Variants in GABRB1 observed in about 807,000 individuals in gnomAD.
GABRB1 encodes the protein gamma-aminobutyric acid receptor subunit beta-1.
GABRB1 carries 17 observed loss-of-function variants against 51.6 expected under a neutral mutation model. That is an observed-to-expected ratio of 0.33 (90% CI 0.23 to 0.49). GABRB1 has a LOEUF of 0.49. Ranked by LOEUF, GABRB1 falls within the 20% of genes least tolerant of loss-of-function variation. GABRB1 has a pLI of 0.99. For missense variants in GABRB1, 410 were observed against 600.6 expected (o/e 0.68, Z 3.32); for synonymous variants, 247 against 218.9 (o/e 1.13, Z -1.14).
chr4:47,062,712 C>T (rs887289441), intron 3 of GABRB1, among the ~76,000 whole-genome samples: 8 of 152,136 alleles, frequency 5.3e-5, no homozygotes, highest in Non-Finnish European at 1.2e-4. Flanking sequence ...ATTTGGTGCT[C>T]TTGTAATAAA....
chr4:47,340,097 C>T (rs926324148), intron 5 of GABRB1, among the ~76,000 whole-genome samples: 2 of 152,126 alleles, frequency 1.3e-5, no homozygotes, highest in Non-Finnish European at 2.9e-5. Flanking sequence ...TCAATATATT[C>T]AAGGTGTTAC....
chr4:47,036,262 A>G (rs893366063), intron 3 of GABRB1, among the ~76,000 whole-genome samples: 2 of 152,216 alleles, frequency 1.3e-5, no homozygotes, highest in Non-Finnish European at 2.9e-5. Flanking sequence ...TGTTGTGGTT[A>G]TTTTAATATT....
chr4:47,074,186 C>A (rs1727456659), intron 3 of GABRB1, among the ~76,000 whole-genome samples: 1 of 152,124 alleles, frequency 6.6e-6, no homozygotes, highest in Non-Finnish European at 1.5e-5. Flanking sequence ...GAAAAAACAT[C>A]CCTACAAGCA....
At chr4:47,149,991 G>T (rs572169468) in intron 3 of GABRB1, among the ~76,000 whole-genome samples, 43 of 151,924 alleles carry the variant, frequency 2.8e-4, no homozygotes, top group Admixed American at 6.6e-4. Context: ...TGACTTTAAG[G>T]CCTTACTTGA....
intron 4 of GABRB1, among the ~76,000 whole-genome samples, chr4:47,177,245 G>T (rs1408082811): frequency 6.6e-6 from 1 of 152,064 alleles, no homozygotes; most frequent in Non-Finnish European, 1.5e-5. Flanking sequence ...CAAAGCCACA[G>T]ATCAGATGGA....
intron 4 of GABRB1, among the ~76,000 whole-genome samples, chr4:47,220,369 C>T (rs1229398796): frequency 2.0e-5 from 3 of 151,932 alleles, no homozygotes; most frequent in Non-Finnish European, 4.4e-5. Context: ...CTTCCTTCTC[C>T]CTGTTCCATG....
chr4:47,072,218 C>A (rs1169884299), intron 3 of GABRB1, among the ~76,000 whole-genome samples: 1 of 152,120 alleles, frequency 6.6e-6, no homozygotes, highest in Non-Finnish European at 1.5e-5. Context: ...TATTACACTG[C>A]AGTGCTTAGG....
chr4:47,222,144 TTCAGCTGGAAATGTG>T (rs1336347124), intron 4 of GABRB1, among the ~76,000 whole-genome samples: 4 of 152,146 alleles, frequency 2.6e-5, no homozygotes, highest in African/African-American at 9.6e-5. Context: ...CTCCATCAAC[TTCAGCTGGAAATGTG>T]TGTGCCAGGC....
intron 3 of GABRB1, among the ~76,000 whole-genome samples, chr4:47,115,046 C>T (rs1715403912): frequency 6.6e-6 from 1 of 152,138 alleles, no homozygotes; most frequent in East Asian, 1.9e-4. Flanking sequence ...TTCTCTGATA[C>T]TGTTTTTCTA....
At chr4:47,290,570 T>C (rs184686973) in intron 4 of GABRB1, among the ~76,000 whole-genome samples, 9 of 152,272 alleles carry the variant, frequency 5.9e-5, no homozygotes, top group Admixed American at 5.9e-4. Flanking sequence ...CAGAAAAATG[T>C]GGGAAAGTTT....
chr4:47,146,962 G>T (rs942244438), intron 3 of GABRB1, among the ~76,000 whole-genome samples: 1 of 152,068 alleles, frequency 6.6e-6, no homozygotes, highest in Non-Finnish European at 1.5e-5. Context: ...TTGGTTGAAT[G>T]ATAAATTATT....
intron 5 of GABRB1, among the ~76,000 whole-genome samples, chr4:47,321,670 G>A (rs1284686872): frequency 1.3e-5 from 2 of 152,176 alleles, no homozygotes; most frequent in Non-Finnish European, 2.9e-5. Flanking sequence ...AGTTCGACAA[G>A]TAAATCATTA....
intron 3 of GABRB1, among the ~76,000 whole-genome samples, chr4:47,136,617 A>G (rs1469497711): frequency 6.6e-6 from 1 of 152,084 alleles, no homozygotes; most frequent in Non-Finnish European, 1.5e-5. Context: ...CTATAGGTTT[A>G]CAAACTCTAG....
intron 5 of GABRB1, among the ~76,000 whole-genome samples, chr4:47,354,268 G>A (rs534565775): frequency 2.0e-5 from 3 of 152,060 alleles, no homozygotes; most frequent in Non-Finnish European, 2.9e-5. Flanking sequence ...ATGTGTAATA[G>A]ATCACAATTT....
At chr4:47,377,565 T>C (rs751672607) in intron 5 of GABRB1, among the ~76,000 whole-genome samples, 4 of 152,018 alleles carry the variant, frequency 2.6e-5, no homozygotes, top group Non-Finnish European at 5.9e-5. Context: ...AAAGCTTCCA[T>C]AGTCTGGAAG....
intron 4 of GABRB1, among the ~76,000 whole-genome samples, chr4:47,282,489 T>A (rs1723328797): frequency 6.6e-6 from 1 of 152,170 alleles, no homozygotes; most frequent in South Asian, 2.1e-4. Flanking sequence ...CATAACTAGT[T>A]GTAGTAGCAC....
intron 3 of GABRB1, among the ~76,000 whole-genome samples, chr4:47,127,379 T>A (rs571620113): frequency 2.3e-4 from 35 of 151,964 alleles, no homozygotes; most frequent in African/African-American, 8.4e-4. Flanking sequence ...TGTTTAGTAT[T>A]GGAATATTTG....
intron 4 of GABRB1, among the ~76,000 whole-genome samples, chr4:47,304,788 C>T (rs905166374): frequency 3.9e-5 from 6 of 152,030 alleles, no homozygotes; most frequent in Non-Finnish European, 8.8e-5. Context: ...ATGTATGGAG[C>T]TACTAAAATC....
chr4:47,231,000 T>G (rs935480968), intron 4 of GABRB1, among the ~76,000 whole-genome samples: 1 of 152,048 alleles, frequency 6.6e-6, no homozygotes, highest in Non-Finnish European at 1.5e-5. Context: ...GTAAAAAGGT[T>G]TTAAGGTCTT....
Sources: allele counts gnomAD v4.1 joint callset (sites outside exome capture counted in the v4.1 genomes callset), GRCh38; gene constraint gnomAD v4.1.1; transcripts MANE v1.5; gene names NCBI Gene and HGNC (gene_info 2026-07-23, HGNC 2026-07-21).